Variants in TPP2 observed in about 807,000 individuals in gnomAD.
The protein encoded by TPP2 is tripeptidyl peptidase 2.
TPP2 carries 34 observed loss-of-function variants against 155.9 expected under a neutral mutation model. The ratio of observed to expected loss-of-function variants is 0.22; its 90% CI spans 0.17 to 0.29. TPP2 has a LOEUF of 0.29. Among genes scored for constraint, TPP2 ranks in the 10% least tolerant of loss-of-function variants. The pLI is 1.00. For missense variants in TPP2, 1,028 were observed against 1,522.3 expected (o/e 0.68, Z 5.40); for synonymous variants, 510 against 529.4 (o/e 0.96, Z 0.50).
chr13:102,622,835 A>G, intron 5 of TPP2, 42 bp from the exon 6 acceptor site: 1 of 1,570,978 alleles, frequency 6.4e-7, no homozygotes, highest in Non-Finnish European at 8.6e-7. Context: ...TAGAAAGGTA[A>G]GAAAATAAAT....
intron 25 of TPP2, among the ~76,000 whole-genome samples, chr13:102,660,459 G>A (rs886535849): frequency 2.6e-5 from 4 of 152,018 alleles, no homozygotes; most frequent in Non-Finnish European, 4.4e-5. Flanking sequence ...AGAATTATAC[G>A]TCAAAACTAC....
intron 26 of TPP2, 75 bp from the exon 27 acceptor site, chr13:102,664,720 A>C: frequency 6.8e-7 from 1 of 1,463,984 alleles, no homozygotes; most frequent in African/African-American, 1.4e-5. Context: ...CTCATGGTTG[A>C]GACAGCAGAA....
intron 5 of TPP2, 50 bp from the exon 6 acceptor site, chr13:102,622,827 G>T: frequency 6.4e-7 from 1 of 1,555,394 alleles, no homozygotes; most frequent in Non-Finnish European, 8.7e-7. Flanking sequence ...ATGATTTTTA[G>T]AAAGGTAAGA....
At chr13:102,648,814 C>G in intron 21 of TPP2, 93 bp from the exon 22 acceptor site, 2 of 1,453,502 alleles carry the variant, frequency 1.4e-6, no homozygotes, top group Admixed American at 5.0e-5. Context: ...ATGAACAAGT[C>G]TGTGAATGGT....
chr13:102,671,494 A>AT (rs1402432576), intron 27 of TPP2, among the ~76,000 whole-genome samples: 1 of 152,228 alleles, frequency 6.6e-6, no homozygotes, highest in Non-Finnish European at 1.5e-5. Context: ...AACAGTGGCC[A>AT]TTATTAGAAA....
At chr13:102,630,261 C>T in intron 10 of TPP2, 66 bp downstream of exon 10, 1 of 1,205,370 alleles carries the variant, frequency 8.3e-7, no homozygotes, top group East Asian at 2.5e-5. Context: ...TTGAGAAGGG[C>T]AGAGTTTTAG....
chr13:102,651,592 T>C (rs201481426), intron 24 of TPP2, among the ~76,000 whole-genome samples, 195 bp downstream of exon 24: 16 of 143,634 alleles, frequency 1.1e-4, no homozygotes, highest in East Asian at 4.1e-4. Flanking sequence ...TTTTTTTTTT[T>C]CCCCACCATA....
chr13:102,644,149 G>C (rs1221780733), intron 17 of TPP2, among the ~76,000 whole-genome samples: 1 of 152,082 alleles, frequency 6.6e-6, no homozygotes, highest in Non-Finnish European at 1.5e-5. Context: ...TTGCCAGGTA[G>C]CTGTGAGCCC....
At chr13:102,652,238 G>A (rs1032139084) in intron 24 of TPP2, among the ~76,000 whole-genome samples, 9 of 151,824 alleles carry the variant, frequency 5.9e-5, no homozygotes, top group African/African-American at 1.4e-4. Flanking sequence ...TTAGCCAGGC[G>A]TGGTAGCACA....
At chr13:102,618,602 TAC>T in intron 4 of TPP2, 118 bp from the exon 5 acceptor site, 2 of 1,337,270 alleles carry the variant, frequency 1.5e-6, no homozygotes, top group South Asian at 3.2e-5. Context: ...AAAATTTTCT[TAC>T]ATTTTTTCAG....
intron 25 of TPP2, among the ~76,000 whole-genome samples, chr13:102,657,569 A>G (rs1261356898): frequency 6.6e-6 from 1 of 152,080 alleles, no homozygotes; most frequent in African/African-American, 2.4e-5. Flanking sequence ...TGTGAATAAA[A>G]TTAGTTTCCA....
chr13:102,619,434 C>T (rs1406309726), intron 5 of TPP2, among the ~76,000 whole-genome samples: 1 of 141,684 alleles, frequency 7.1e-6, no homozygotes, highest in Non-Finnish European at 1.5e-5. Context: ...TTTAGGATTT[C>T]TGCAAAAAAA....
At chr13:102,673,818 G>A (rs1885137024) in intron 27 of TPP2, among the ~76,000 whole-genome samples, 1 of 152,240 alleles carries the variant, frequency 6.6e-6, no homozygotes, top group Admixed American at 6.5e-5. Flanking sequence ...AAAATGCTGA[G>A]ACAGTTGCTG....
At chr13:102,648,772 TAGTTAGTTCCTTGC>T in intron 21 of TPP2, 121 bp from the exon 22 acceptor site, 2 of 1,183,530 alleles carry the variant, frequency 1.7e-6, no homozygotes, top group South Asian at 3.3e-5. Context: ...AACGTCTGGA[TAGTTAGTTCCTTGC>T]ACTGTACCTC....
chr13:102,639,534 C>T (rs538429232), intron 15 of TPP2, among the ~76,000 whole-genome samples: 32 of 152,184 alleles, frequency 2.1e-4, no homozygotes, highest in African/African-American at 7.5e-4. Context: ...TCCCAGGCTC[C>T]GTAACTCTTC....
intron 1 of TPP2, among the ~76,000 whole-genome samples, chr13:102,599,265 A>G (rs146323102): frequency 8.5e-5 from 13 of 152,378 alleles, no homozygotes; most frequent in Non-Finnish European, 1.5e-4. Context: ...ATAAATATTC[A>G]GATGATAAAA....
chr13:102,617,052 GCA>G (rs1880793035), intron 4 of TPP2, among the ~76,000 whole-genome samples: 1 of 151,434 alleles, frequency 6.6e-6, no homozygotes, highest in African/African-American at 2.4e-5. Flanking sequence ...GGGATTACAG[GCA>G]CGTGCCACCA....
At chr13:102,647,785 G>A (rs554767076) in intron 21 of TPP2, among the ~76,000 whole-genome samples, 2 of 152,232 alleles carry the variant, frequency 1.3e-5, no homozygotes, top group Non-Finnish European at 2.9e-5. Flanking sequence ...TTACTACCTC[G>A]TTGGACAACT....
At position 102,625,572 on chromosome 13, in the gene TPP2, G is replaced by T. The variant is rs1821048897; in HGVS notation, c.785-1440G>T. ...CTGTATCCTCAGCAACACTTGCTGT[G>T]GTCAGTCTTAATAGTGGTCATTCTA... is the stretch of plus-strand genomic sequence containing the variant. On this transcript the variant is annotated intron_variant, in intron 6 of 29. Transcript: ENST00000376052. Among the ~76,000 whole-genome samples the T allele has an allele frequency of 2.0e-5, 3 of 152,268 alleles. 1 individual carries two copies. In the South Asian group the frequency reaches 6.2e-4, roughly 32 times the overall value.
Sources: allele counts gnomAD v4.1 joint callset (sites outside exome capture counted in the v4.1 genomes callset), GRCh38; gene constraint gnomAD v4.1.1; transcripts MANE v1.5; gene names NCBI Gene and HGNC (gene_info 2026-07-23, HGNC 2026-07-21).